HCN2: variants seen among roughly 807,000 people sequenced by gnomAD.
HCN2 encodes the protein potassium/sodium hyperpolarization-activated cyclic nucleotide-gated channel 2.
HCN2 carries 20 observed loss-of-function variants against 52.3 expected under a neutral mutation model. The ratio of observed to expected loss-of-function variants is 0.38; its 90% CI spans 0.27 to 0.56. The LOEUF (loss-of-function observed/expected upper bound fraction) is 0.56. HCN2 is among the 20% of genes least tolerant of loss of function. HCN2 has a pLI of 0.71. For synonymous variants in HCN2, 694 were observed against 537.0 expected, an observed-to-expected ratio of 1.29 and a Z score of -4.04; for missense variants, 981 against 1,207.7, an observed-to-expected ratio of 0.81 and a Z score of 2.78.
Position 616,002 on chromosome 19 carries a change from C to T in HCN2, c.2198C>T (p.Ala733Val), listed in dbSNP as rs534518513. 8 of 1,549,422 alleles carry T rather than the reference C, an allele frequency of 5.2e-6. No homozygotes were observed. Among genetic ancestry groups the T allele is most frequent in the South Asian group, 4.7e-5 (4 of 85,278 alleles). The change falls in exon 8 of 8, where the codon GCG becomes GTG. Residue 733 changes from alanine (A) to valine (V), a missense_variant. Ala to Val is a moderately conservative substitution (Grantham distance 64). Around this residue, in one of 6 missense-constraint regions of HCN2, gnomAD observed 368 missense variants for 314.8 expected, o/e 1.17. Coordinates refer to ENST00000251287, the MANE Select transcript of HCN2 (RefSeq NM_001194.4). ...TCGGCCATCGCCACGCTGCAGCAGG[C>T]GGCGGCCATGAGCTTCTGCCCGCAG... ...VTSAIATLQQ[A>V]AAMSFCPQVA...
intron 6 of HCN2, 57 bp from the exon 7 acceptor site, chr19:613,795 G>A (rs933392137): frequency 1.6e-4 from 228 of 1,433,868 alleles, no homozygotes; most frequent in Non-Finnish European, 2.0e-4. Flanking sequence ...GTGCCTGGGC[G>A]GGGAGGGCCG....
In HCN2 at chr19:616,321, C is replaced by A; in HGVS notation, c.2517C>A (p.Arg839=). ...HGAPGPAAST[R]PASSSTPRLG... ...CCCCCGGCCCCGCGGCCTCCACACG[C>A]CCGGCCAGCAGCTCCACACCGCGCT... Residue 839 remains arginine (R), a synonymous_variant, in exon 8 of 8, where the codon CGC becomes CGA. Coordinates refer to ENST00000251287, the MANE Select transcript of HCN2 (RefSeq NM_001194.4). The A allele has an allele frequency of 6.0e-6, 7 of 1,169,204 alleles. No homozygotes were observed. The highest frequency in any genetic ancestry group is 7.5e-6 in the Non-Finnish European group (7 of 938,324). The allele number at this position is 1,169,204 out of a possible 1,614,324, so 72.4% of individuals were successfully genotyped here. A position where few individuals can be genotyped will look rare whatever the true frequency, so the allele number is the denominator to read the frequency against.
At chr19:610,958 C>A (rs562124125) in intron 5 of HCN2, among the ~76,000 whole-genome samples, 1 of 152,182 alleles carries the variant, frequency 6.6e-6, no homozygotes, top group Admixed American at 6.5e-5. Context: ...CCTCTTCCGG[C>A]GTCTGGGGCT....
chr19:612,829 C>A (rs1364635737), intron 5 of HCN2, among the ~76,000 whole-genome samples: 1 of 143,852 alleles, frequency 7.0e-6, no homozygotes, highest in South Asian at 2.2e-4. Flanking sequence ...ACTTCCTGCA[C>A]CACCACGCCT....
At chr19:603,462 C>T (rs1368394014) in intron 1 of HCN2, 82 bp from the exon 2 acceptor site, 3 of 1,156,028 alleles carry the variant, frequency 2.6e-6, no homozygotes, top group African/African-American at 3.1e-5. Flanking sequence ...GCCCCTCGTC[C>T]CCCAAGGAAG....
intron 2 of HCN2, among the ~76,000 whole-genome samples, chr19:604,404 C>A (rs1444160691): frequency 1.5e-5 from 2 of 135,734 alleles, no homozygotes; most frequent in African/African-American, 2.9e-5. Flanking sequence ...AGGGGTGGGG[C>A]TATCAGGTTG....
chr19:610,441 C>T (rs536468405), intron 5 of HCN2, 36 bp downstream of exon 5: 234 of 1,591,268 alleles, frequency 1.5e-4, no homozygotes, highest in East Asian at 3.1e-4. Flanking sequence ...AGGCAGCCTC[C>T]GGTACAGGGC....
intron 6 of HCN2, 150 bp downstream of exon 6, chr19:613,638 CGGGGATGGGGATGGGGATGG>C (rs1291646632): frequency 2.7e-4 from 10 of 37,524 alleles, no homozygotes; most frequent in South Asian, 1.0e-3. Flanking sequence ...GGGATGGGGC[CGGGGATGGGGATGGGGATGG>C]GGCCGGGGAT....
rs537048387 is a variant in HCN2, at chr19:595,421, C to G, written c.632+4844C>G. ...GACATCGGTCCTTCTTTCCCTGTCA[C>G]CTCTACCTCCTCCCTGGCTCCAGCC... On this transcript the variant is annotated intron_variant, in intron 1 of 7. Transcript: ENST00000251287. Among the ~76,000 whole-genome samples the G allele has an allele frequency of 9.9e-5, 15 of 152,268 alleles. No individual in the cohort carries two copies. In the East Asian group the frequency reaches 2.5e-3, roughly 26 times the overall value.
intron 1 of HCN2, among the ~76,000 whole-genome samples, chr19:602,101 C>T (rs112732996): frequency 2.6e-3 from 244 of 92,406 alleles, no homozygotes; most frequent in Middle Eastern, 0.018. Flanking sequence ...CACTTCCTCC[C>T]CTCTCCTCCT....
At position 617,036 on chromosome 19, in the gene HCN2, G is replaced by C; in HGVS notation, c.*562G>C. ...CTGCGCAGGGCGCGGGGGGGAGGCT[G>C]GGGTCCCGCCGCCGTGATGAATGTA... On this transcript the variant is annotated 3_prime_UTR_variant, in exon 8 of 8. Transcript: ENST00000251287. The C allele has an allele frequency of 1.9e-6, 1 of 536,860 alleles. No individual in the cohort carries two copies. The highest frequency in any genetic ancestry group is 3.4e-6 in the Non-Finnish European group (1 of 295,094). 33.3% of individuals were successfully genotyped at this position (536,860 alleles called of 1,614,324 possible). A position where few individuals can be genotyped will look rare whatever the true frequency, so the allele number is the denominator to read the frequency against.
In HCN2 at chr19:613,955, G is replaced by T; in HGVS notation, c.1929G>T (p.Glu643Asp). The change falls in exon 7 of 8, where the codon GAG becomes GAT. Residue 643 changes from glutamate (E) to aspartate (D), a missense_variant. Physicochemically the swap from Glu to Asp is conservative, Grantham distance 45. This residue lies in a region of HCN2 where 85 missense variants were observed against 106.1 expected (regional missense o/e 0.80). Transcript: ENST00000251287. ...LSVDNFNEVL[E>D]EYPMMRRAFE... ...TGGACAACTTCAACGAGGTGCTGGA[G>T]GAGTACCCCATGATGCGGCGCGCCT... The T allele has an allele frequency of 6.2e-7, 1 of 1,603,506 alleles. No homozygotes were observed. The highest frequency in any genetic ancestry group is 8.5e-7 in the Non-Finnish European group (1 of 1,175,038).
Position 608,517 on chromosome 19 carries a change from C to T in HCN2, c.1437+335C>T, listed in dbSNP as rs551315233. ...CTGTGGCTGTGATTAGGAGGAGAAACGGCCGGTGGTGAGAGGTTCTCTGAC... is the reference window on the plus strand; with the variant it reads ...CTGTGGCTGTGATTAGGAGGAGAAATGGCCGGTGGTGAGAGGTTCTCTGAC... On this transcript the variant is annotated intron_variant, in intron 4 of 7. Transcript: ENST00000251287. Among the ~76,000 whole-genome samples, 18 of 149,252 alleles carry T rather than the reference C, an allele frequency of 1.2e-4. No homozygotes were observed. In the South Asian group the frequency reaches 2.6e-3, roughly 22 times the overall value.
intron 1 of HCN2, among the ~76,000 whole-genome samples, chr19:597,859 C>T (rs559082059): frequency 3.3e-5 from 5 of 151,118 alleles, no homozygotes; most frequent in East Asian, 1.9e-4. Context: ...GTCTCCTTGG[C>T]GGTTTCTAGG....
intron 1 of HCN2, among the ~76,000 whole-genome samples, chr19:599,353 A>G (rs1983128836): frequency 6.6e-6 from 1 of 152,210 alleles, no homozygotes. Flanking sequence ...CGGCCACGCC[A>G]GCGATGAGCT....
intron 6 of HCN2, 49 bp downstream of exon 6, chr19:613,537 C>G: frequency 8.8e-7 from 1 of 1,135,598 alleles, no homozygotes; most frequent in Non-Finnish European, 1.3e-6. Flanking sequence ...ACGCGACCCC[C>G]GCGGTGTGCA....
intron 4 of HCN2, among the ~76,000 whole-genome samples, chr19:608,619 G>A (rs1202493806): frequency 6.7e-6 from 1 of 149,820 alleles, no homozygotes; most frequent in African/African-American, 2.4e-5. Context: ...AGGCTGGGCA[G>A]GAAGGGGTGA....
chr19:616,944 T>A lies in HCN2; in HGVS notation c.*470T>A, dbSNP rs1983982476. On this transcript the variant is annotated 3_prime_UTR_variant, in exon 8 of 8. Coordinates refer to ENST00000251287, the MANE Select transcript of HCN2 (RefSeq NM_001194.4). ...CCGGCCCGGCCCCCGTCCGCGCGCG[T>A]CCCCCGGTGACCTCGGGGAGCAGCA... 2.6e-6 allele frequency: 1 copy of A among 391,376 alleles called. No individual in the cohort carries two copies. Among genetic ancestry groups the A allele is most frequent in the East Asian group, 6.0e-5 (1 of 16,772 alleles). 24.2% of individuals were successfully genotyped at this position (391,376 alleles called of 1,614,324 possible).
At position 603,745 on chromosome 19, in the gene HCN2, C is replaced by A. The variant is rs779125717; in HGVS notation, c.834C>A (p.Asp278Glu). 2.5e-6 allele frequency: 4 copies of A among 1,612,844 alleles called. No homozygotes were observed. The African/African-American group carries it at 4.0e-5, about 16-fold the overall frequency. Residue 278 changes from aspartate to glutamate, a missense_variant, in exon 2 of 8, where the codon GAC becomes GAA. Physicochemically the swap from Asp to Glu is conservative, Grantham distance 45. This residue lies in a region of HCN2 where 282 missense variants were observed against 553.8 expected (regional missense o/e 0.51). Coordinates refer to ENST00000251287, the MANE Select transcript of HCN2 (RefSeq NM_001194.4). The part of the protein sequence containing the change: ...VIEDNTEIIL[D>E]PEKIKKKYLR... ...AGGACAACACGGAGATCATCCTGGA[C>A]CCCGAGAAGATCAAGAAGAAGTATC...
Sources: allele counts gnomAD v4.1 joint callset (sites outside exome capture counted in the v4.1 genomes callset), GRCh38; gene constraint gnomAD v4.1.1; regional missense constraint gnomAD v4.1.1; transcripts MANE v1.5; gene names NCBI Gene and HGNC (gene_info 2026-07-23, HGNC 2026-07-21).